The following CDH12 variants were observed in gnomAD, a reference collection of about 807,000 sequenced individuals.
The protein encoded by CDH12 is cadherin 12.
CDH12 carries 41 observed loss-of-function variants against 74.1 expected under a neutral mutation model. The observed-to-expected ratio is 0.55, with a 90% confidence interval of 0.43 to 0.72. CDH12 has a LOEUF of 0.72. CDH12 is among the 30% of genes least tolerant of loss of function. The probability of loss-of-function intolerance (pLI) is 0.00; values close to 1 mark genes in which losing one functional copy is unlikely to be tolerated. For missense variants in CDH12, 945 were observed against 977.2 expected, an observed-to-expected ratio of 0.97 and a Z score of 0.44; for synonymous variants, 399 against 355.0, an observed-to-expected ratio of 1.12 and a Z score of -1.39.
chr5:22,289,856 T>C (rs528780767), intron 3 of CDH12, among the ~76,000 whole-genome samples: 11 of 152,160 alleles, frequency 7.2e-5, no homozygotes, highest in Admixed American at 5.2e-4. Context: ...GAGGAATGAA[T>C]CACTAGACAT....
chr5:22,849,681 G>A (rs1184586614), intron 1 of CDH12, among the ~76,000 whole-genome samples: 3 of 152,108 alleles, frequency 2.0e-5, no homozygotes, highest in Non-Finnish European at 2.9e-5. Flanking sequence ...GGGTATCGGT[G>A]TACAGATTGG....
In CDH12 at chr5:21,960,790, A is replaced by G. The variant is rs562198189; in HGVS notation, c.526+14301T>C. On this transcript the variant is annotated intron_variant, in intron 6 of 14. Transcript: ENST00000382254. ...TATTTATATGTTTGCCTGTCTTTCT[A>G]TTAGAATTGAGATACAGCAAAATGC... 7.5e-3 allele frequency among the ~76,000 whole-genome samples: 1,144 copies of G among 152,032 alleles called. 9 individuals are homozygous for G. The highest frequency in any genetic ancestry group is 0.026 in the African/African-American group (1,070 of 41,486).
chr5:22,500,445 A>G (rs1234665356), intron 2 of CDH12, among the ~76,000 whole-genome samples: 1 of 152,176 alleles, frequency 6.6e-6, no homozygotes, highest in Admixed American at 6.5e-5. Context: ...ACTGCCCCAG[A>G]AGAAACATAT....
At chr5:22,477,160 G>T (rs1746202015) in intron 2 of CDH12, among the ~76,000 whole-genome samples, 1 of 152,156 alleles carries the variant, frequency 6.6e-6, no homozygotes, top group Non-Finnish European at 1.5e-5. Context: ...ATGGGGTTTT[G>T]TTGTACAGAT....
chr5:21,859,091 A>G (rs1750897637), intron 6 of CDH12, among the ~76,000 whole-genome samples: 1 of 151,942 alleles, frequency 6.6e-6, no homozygotes, highest in Non-Finnish European at 1.5e-5. Context: ...CTCCTGTCTA[A>G]CTGAAATTGT....
At chr5:22,280,272 A>G (rs1580476059) in intron 3 of CDH12, among the ~76,000 whole-genome samples, 1 of 152,292 alleles carries the variant, frequency 6.6e-6, no homozygotes, top group East Asian at 1.9e-4. Context: ...AGAAAGCAGA[A>G]AAGATCTAAA....
In CDH12 at chr5:22,019,633, A is replaced by G. The variant is rs557703385; in HGVS notation, c.232-44248T>C. On this transcript the variant is annotated intron_variant, in intron 5 of 14. Transcript: ENST00000382254. ...GCCAGGAAAAGGGCCCTCGCCATGAACCAAACACTGATGGCACCTGGATCT... is the reference window on the plus strand; with the variant it reads ...GCCAGGAAAAGGGCCCTCGCCATGAGCCAAACACTGATGGCACCTGGATCT... Among the ~76,000 whole-genome samples the G allele has an allele frequency of 4.0e-4, 61 of 152,280 alleles. 1 individual carries two copies. The South Asian group carries it at 0.012, about 29-fold the overall frequency.
At chr5:22,594,027 C>T (rs1736475502) in intron 1 of CDH12, among the ~76,000 whole-genome samples, 1 of 152,064 alleles carries the variant, frequency 6.6e-6, no homozygotes, top group Non-Finnish European at 1.5e-5. Context: ...AGATACAAGC[C>T]CATTCAACAA....
chr5:22,788,538 T>G (rs189079799), intron 1 of CDH12, among the ~76,000 whole-genome samples: 1 of 148,634 alleles, frequency 6.7e-6, no homozygotes, highest in African/African-American at 2.4e-5. Context: ...TATCATAATA[T>G]ATAAATATAT....
chr5:22,366,197 T>A (rs1055212530), intron 3 of CDH12, among the ~76,000 whole-genome samples: 1 of 152,128 alleles, frequency 6.6e-6, no homozygotes, highest in African/African-American at 2.4e-5. Flanking sequence ...GACCTCATGA[T>A]CCACCTGTCT....
chr5:22,367,524 T>C (rs1450721206), intron 3 of CDH12, among the ~76,000 whole-genome samples: 10 of 152,214 alleles, frequency 6.6e-5, no homozygotes, highest in Admixed American at 6.6e-4. Context: ...TTACCCTAAG[T>C]GCTGAGTCTG....
intron 6 of CDH12, chr5:21,889,548 T>C (rs955625395): frequency 2.0e-6 from 2 of 978,192 alleles, no homozygotes; most frequent in Non-Finnish European, 2.4e-6. Context: ...CTCCTGAAGC[T>C]GTTTTTACAG....
rs749124329 is a variant in CDH12 at position 21,755,772 on chromosome 5, A to T, written c.1704T>A (p.Pro568=). The T allele has an allele frequency of 6.2e-7, 1 of 1,614,046 alleles. No individual in the cohort carries two copies. The highest frequency in any genetic ancestry group is 8.5e-7 in the Non-Finnish European group (1 of 1,179,952). The stretch of plus-strand genomic sequence containing the variant: ...GGTAGCTGCTGTCTTCTATTACAAC[A>T]GGGAGGAAATACAACTCTTGCTGCC... ...SRRQQELYFL[P]VVIEDSSYPV... Residue 568 remains proline (P), a synonymous_variant, in exon 14 of 15, where the codon CCT becomes CCA. Transcript: ENST00000382254.
intron 3 of CDH12, among the ~76,000 whole-genome samples, chr5:22,382,748 T>C (rs1434498505): frequency 6.6e-6 from 1 of 152,194 alleles, no homozygotes; most frequent in African/African-American, 2.4e-5. Flanking sequence ...ATTAATTTTA[T>C]ATTTCTAAAA....
At chr5:22,481,038 ATGACTTT>A (rs1746365888) in intron 2 of CDH12, among the ~76,000 whole-genome samples, 1 of 152,220 alleles carries the variant, frequency 6.6e-6, no homozygotes, top group South Asian at 2.1e-4. Flanking sequence ...AAAAATTATT[ATGACTTT>A]TCAGATAGTA....
At chr5:22,441,815 T>C (rs1329814796) in intron 2 of CDH12, among the ~76,000 whole-genome samples, 1 of 152,122 alleles carries the variant, frequency 6.6e-6, no homozygotes, top group African/African-American at 2.4e-5. Flanking sequence ...AGAATTCTCA[T>C]TCCTCAGCCT....
chr5:21,939,492 TA>T (rs1170657480), intron 6 of CDH12, among the ~76,000 whole-genome samples: 6 of 151,966 alleles, frequency 3.9e-5, no homozygotes, highest in Non-Finnish European at 8.8e-5. Flanking sequence ...TTCTTTTATT[TA>T]AAAAATACTT....
chr5:21,960,631 T>C (rs1013817562), intron 6 of CDH12, among the ~76,000 whole-genome samples: 1 of 152,148 alleles, frequency 6.6e-6, no homozygotes, highest in Non-Finnish European at 1.5e-5. Context: ...TCATCATTTC[T>C]ACCAGTGTGA....
At chr5:22,531,816 G>C (rs903752196) in intron 1 of CDH12, among the ~76,000 whole-genome samples, 1 of 152,098 alleles carries the variant, frequency 6.6e-6, no homozygotes, top group Non-Finnish European at 1.5e-5. Context: ...CTGAAAGTCT[G>C]TATTAGAAGC....
Sources: allele counts gnomAD v4.1 joint callset (sites outside exome capture counted in the v4.1 genomes callset), GRCh38; gene constraint gnomAD v4.1.1; transcripts MANE v1.5; gene names NCBI Gene and HGNC (gene_info 2026-07-23, HGNC 2026-07-21).